Variants in HTR2A observed in about 807,000 individuals in gnomAD.
HTR2A encodes the protein 5-hydroxytryptamine receptor 2A.
HTR2A carries 14 observed loss-of-function variants against 31.0 expected under a neutral mutation model. The observed-to-expected ratio is 0.45, with a 90% CI of 0.30 to 0.71. The LOEUF (loss-of-function observed/expected upper bound fraction) is 0.71. Ranked by LOEUF, HTR2A falls within the 30% of genes least tolerant of loss-of-function variation. The pLI is 0.09. For synonymous variants in HTR2A, 209 were observed against 225.2 expected (o/e 0.93, Z 0.64); for missense variants, 442 against 573.3 (o/e 0.77, Z 2.34).
Position 46,895,980 on chromosome 13 carries a change from T to C in HTR2A, c.-74A>G. 1 of 1,528,470 alleles carries C rather than the reference T, an allele frequency of 6.5e-7. No individual in the cohort carries two copies. The highest frequency in any genetic ancestry group is 8.7e-7 in the Non-Finnish European group (1 of 1,143,372). 94.7% of individuals were successfully genotyped at this position (1,528,470 alleles called of 1,614,324 possible). ...TATAGTTTCTGCTCACCATTCACCT[T>C]GATGTACCCACACTCTGTAACACTG... On this transcript the variant is annotated 5_prime_UTR_variant, in exon 2 of 4. Coordinates refer to ENST00000542664, the MANE Select transcript of HTR2A (RefSeq NM_000621.5). This position sits in a 1 kb window ranked among gnomAD's most constrained non-coding sequence, Gnocchi z 4.4.
At chr13:46,853,485 T>C (rs1349919930) in intron 3 of HTR2A, among the ~76,000 whole-genome samples, 5 of 152,172 alleles carry the variant, frequency 3.3e-5, no homozygotes, top group African/African-American at 9.7e-5. Context: ...TAAATACTGA[T>C]AGTGAATTGA....
intron 3 of HTR2A, among the ~76,000 whole-genome samples, chr13:46,887,599 A>G (rs9534507): frequency 0.039 from 5,995 of 152,052 alleles, 162 homozygotes; most frequent in South Asian, 0.092. Flanking sequence ...AATATTTAAG[A>G]AAATAGATGA....
chr13:46,885,125 G>A (rs1328019276), intron 3 of HTR2A, among the ~76,000 whole-genome samples: 2 of 152,150 alleles, frequency 1.3e-5, no homozygotes, highest in Non-Finnish European at 2.9e-5. Flanking sequence ...ATTAGCAGCA[G>A]TAAGAATTAA....
At chr13:46,847,160 G>A (rs1950648913) in intron 3 of HTR2A, among the ~76,000 whole-genome samples, 1 of 152,212 alleles carries the variant, frequency 6.6e-6, no homozygotes, top group Admixed American at 6.5e-5. Flanking sequence ...AAATATGGCA[G>A]GCACCCACTT....
In HTR2A at chr13:46,864,080, T is replaced by C. The variant is rs143595454; in HGVS notation, c.613+28310A>G. On this transcript the variant is annotated intron_variant, in intron 3 of 3. Coordinates refer to ENST00000542664, the MANE Select transcript of HTR2A (RefSeq NM_000621.5). ...GGTACATATATACCATAGAATACTA[T>C]GCAGTCATAAAAATGAGATCATGTC... 1.1e-4 allele frequency among the ~76,000 whole-genome samples: 16 copies of C among 152,264 alleles called. No individual in the cohort carries two copies. The East Asian group carries it at 2.5e-3, about 24-fold the overall frequency.
intron 3 of HTR2A, among the ~76,000 whole-genome samples, chr13:46,849,880 A>G (rs1950669352): frequency 6.6e-6 from 1 of 152,258 alleles, no homozygotes; most frequent in South Asian, 2.1e-4. Flanking sequence ...TTCCTAAGAC[A>G]GTGCATGGCA....
chr13:46,857,876 G>A (rs1240757884), intron 3 of HTR2A, among the ~76,000 whole-genome samples: 1 of 152,168 alleles, frequency 6.6e-6, no homozygotes, highest in Non-Finnish European at 1.5e-5. Flanking sequence ...CCTCTACCCT[G>A]AGGGCAATAA....
rs1246186555 is a variant in HTR2A, at chr13:46,895,803, C to G, written c.104G>C (p.Gly35Ala). 1.2e-6 allele frequency: 2 copies of G among 1,613,918 alleles called. No homozygotes were observed. Among genetic ancestry groups the G allele is most frequent in the East Asian group, 2.2e-5 (1 of 44,892 alleles). Reference sequence around the variant, plus strand: ...AAATGCATCAGAAGTGTTAGCTTCTCCGGAGTTAAAGTCATTACTGTAGAG... The same window carrying G: ...AAATGCATCAGAAGTGTTAGCTTCTGCGGAGTTAAAGTCATTACTGTAGAG... Reference protein sequence around the residue: ...TRLYSNDFNSGEANTSDAFNW... With the variant: ...TRLYSNDFNSAEANTSDAFNW... The change falls in exon 2 of 4, where the codon GGA becomes GCA. Residue 35 changes from glycine to alanine, a missense_variant. Physicochemically the swap from Gly to Ala is moderately conservative, Grantham distance 60. Around this residue, in one of 5 missense-constraint regions of HTR2A, gnomAD observed 83 missense variants for 84.8 expected, o/e 0.98. Transcript: ENST00000542664. The surrounding 1 kb of genome is among the most constrained non-coding windows in gnomAD (Gnocchi z 4.4).
chr13:46,835,450 C>A lies in HTR2A; in HGVS notation c.803G>T (p.Cys268Phe). ...GGCCCGTGTGCCAAGATCACTTACA[C>A]ACAAAGTAGCTTCTTTCTGGAGTGA... Reference protein sequence around the residue: ...IKSLQKEATLCVSDLGTRAKL... With the variant: ...IKSLQKEATLFVSDLGTRAKL... Residue 268 changes from cysteine (C) to phenylalanine (F), a missense_variant, in exon 4 of 4, where the codon TGT (cysteine) becomes TTT (phenylalanine). By Grantham distance (205) the Cys-to-Phe change is radical. Transcript: ENST00000542664. 6.2e-7 allele frequency: 1 copy of A among 1,614,046 alleles called. No individual in the cohort carries two copies. The highest frequency in any genetic ancestry group is 8.5e-7 in the Non-Finnish European group (1 of 1,179,976).
rs766250729 is a variant in HTR2A at position 46,835,582 on chromosome 13, T to C, written c.671A>G (p.Glu224Gly). Residue 224 changes from glutamate (E) to glycine (G), a missense_variant, in exon 4 of 4, where the codon GAG (glutamate) becomes GGG (glycine). By Grantham distance (98) the Glu-to-Gly change is moderately conservative. Transcript: ENST00000542664. Reference sequence around the variant, plus strand: ...ATCATCGGCGAGTAAGCAACTCCCCTCCTTAAAGACCTTCGAATCGTCCTG... The same window carrying C: ...ATCATCGGCGAGTAAGCAACTCCCCCCCTTAAAGACCTTCGAATCGTCCTG... ...GLQDDSKVFK[E>G]GSCLLADDNF... 35 of 1,613,868 alleles carry C rather than the reference T, an allele frequency of 2.2e-5. No homozygotes were observed. The highest frequency in any genetic ancestry group is 2.5e-6 in the Non-Finnish European group (3 of 1,179,930).
chr13:46,874,501 G>A (rs928234098), intron 3 of HTR2A, among the ~76,000 whole-genome samples: 1 of 152,026 alleles, frequency 6.6e-6, no homozygotes, highest in Non-Finnish European at 1.5e-5. Flanking sequence ...CCTATTTATG[G>A]TTAAATATAT....
intron 3 of HTR2A, among the ~76,000 whole-genome samples, chr13:46,858,643 GT>G (rs1232377331): frequency 1.3e-4 from 20 of 152,158 alleles, no homozygotes; most frequent in African/African-American, 4.8e-4. Context: ...AAATAATCTA[GT>G]TTTATGCCTG....
chr13:46,892,825 G>A (rs1951065301), intron 2 of HTR2A, among the ~76,000 whole-genome samples: 1 of 152,244 alleles, frequency 6.6e-6, no homozygotes, highest in Non-Finnish European at 1.5e-5. Context: ...TTATGTGAGT[G>A]TGGCACGGTA....
intron 3 of HTR2A, among the ~76,000 whole-genome samples, chr13:46,844,834 G>T: frequency 6.6e-6 from 1 of 152,136 alleles, no homozygotes; most frequent in East Asian, 1.9e-4. Flanking sequence ...ATAATATAAA[G>T]AGGCCTCCTC....
chr13:46,836,842 T>C (rs983874229), intron 3 of HTR2A, among the ~76,000 whole-genome samples: 2 of 152,192 alleles, frequency 1.3e-5, no homozygotes, highest in African/African-American at 4.8e-5. Flanking sequence ...CACTCCTAAA[T>C]AGAAGTTTAA....
At chr13:46,852,604 T>C (rs1950695842) in intron 3 of HTR2A, among the ~76,000 whole-genome samples, 2 of 152,250 alleles carry the variant, frequency 1.3e-5, no homozygotes, top group African/African-American at 4.8e-5. Context: ...TTCTATGATA[T>C]GAGGAGCGGC....
intron 3 of HTR2A, chr13:46,854,354 C>T (rs1218390523): frequency 6.6e-6 from 1 of 152,208 alleles, no homozygotes; most frequent in Non-Finnish European, 1.5e-5. Flanking sequence ...AGCAGCATTA[C>T]AAATAGCACA....
At chr13:46,871,617 T>C (rs1218160228) in intron 3 of HTR2A, among the ~76,000 whole-genome samples, 1 of 152,214 alleles carries the variant, frequency 6.6e-6, no homozygotes, top group Non-Finnish European at 1.5e-5. Context: ...TTCAAATAAT[T>C]ACAAAGTGTT....
At chr13:46,851,368 A>C (rs746711597) in intron 3 of HTR2A, among the ~76,000 whole-genome samples, 1 of 152,222 alleles carries the variant, frequency 6.6e-6, no homozygotes, top group African/African-American at 2.4e-5. Context: ...TCCTTGATAC[A>C]TTGTATATTC....
Sources: allele counts gnomAD v4.1 joint callset (sites outside exome capture counted in the v4.1 genomes callset), GRCh38; gene constraint gnomAD v4.1.1; regional missense constraint gnomAD v4.1.1; non-coding constraint Gnocchi (gnomAD v3.1); transcripts MANE v1.5; gene names NCBI Gene and HGNC (gene_info 2026-07-23, HGNC 2026-07-21).